Variants in CLASP1 observed in about 807,000 individuals in gnomAD.
CLASP1 encodes CLIP-associating protein 1.
A neutral mutation model predicts 192.3 loss-of-function variants in CLASP1; 38 were observed. The ratio of observed to expected loss-of-function variants is 0.20; its 90% confidence interval spans 0.15 to 0.26. The LOEUF (loss-of-function observed/expected upper bound fraction) is 0.26, where lower values mean the gene tolerates loss of function less well. Ranked by LOEUF, CLASP1 falls within the 10% of genes least tolerant of loss-of-function variation. The pLI, the probability that CLASP1 is intolerant of heterozygous loss-of-function variation, is 1.00. For missense variants in CLASP1, 1,433 were observed against 1,932.5 expected (o/e 0.74, Z 4.85); for synonymous variants, 691 against 712.8 (o/e 0.97, Z 0.49).
At chr2:121,568,306 G>T (rs1024133463) in intron 2 of CLASP1, among the ~76,000 whole-genome samples, 8 of 151,974 alleles carry the variant, frequency 5.3e-5, no homozygotes, top group Non-Finnish European at 1.5e-5. Flanking sequence ...AACCCTGGGG[G>T]CAATTGTAAC....
At chr2:121,400,897 T>A (rs1350314120) in intron 28 of CLASP1, among the ~76,000 whole-genome samples, 1 of 152,222 alleles carries the variant, frequency 6.6e-6, no homozygotes, top group Non-Finnish European at 1.5e-5. Context: ...TTCTGAGATG[T>A]TTCAACTTTC....
intron 6 of CLASP1, among the ~76,000 whole-genome samples, chr2:121,521,066 A>G (rs548305122): frequency 2.0e-5 from 3 of 152,294 alleles, no homozygotes; most frequent in South Asian, 4.1e-4. Context: ...TGGGTATCTG[A>G]TGATAGGAGA....
chr2:121,402,571 C>G (rs1574369559), intron 26 of CLASP1: 1 of 517,542 alleles, frequency 1.9e-6, no homozygotes, highest in African/African-American at 1.9e-5. Context: ...CAAATACTAA[C>G]TAAACTGAGA....
intron 8 of CLASP1, among the ~76,000 whole-genome samples, chr2:121,493,555 A>G (rs1481064437): frequency 6.6e-6 from 1 of 152,182 alleles, no homozygotes; most frequent in Non-Finnish European, 1.5e-5. Context: ...AAAAGAAAAC[A>G]TGGGGGAAAC....
At chr2:121,384,053 CATATATGTATATATACACACACACAT>C (rs1558972417) in intron 32 of CLASP1, among the ~76,000 whole-genome samples, 20 of 135,388 alleles carry the variant, frequency 1.5e-4, no homozygotes, top group Admixed American at 2.9e-4. Context: ...TATATACACA[CATATATGTATATATACACACACACAT>C]ATATATGTAT....
rs528828162 is a variant in CLASP1 at position 121,529,922 on chromosome 2, TA to T, written c.274+324del. Among the ~76,000 whole-genome samples the T allele has an allele frequency of 2.0e-3, 310 of 152,320 alleles. 1 individual carries two copies. The highest frequency in any genetic ancestry group is 7.1e-3 in the African/African-American group (297 of 41,566). The stretch of plus-strand genomic sequence containing the variant: ...AAATAAAAATGGCACTAATATTTCA[TA>T]TTAGAACACGTATTACTAAGTTCCG... On this transcript the variant is annotated intron_variant, in intron 3 of 39. Coordinates refer to ENST00000263710, the Ensembl canonical transcript of CLASP1.
intron 37 of CLASP1, among the ~76,000 whole-genome samples, chr2:121,350,263 C>A (rs2064118357): frequency 2.0e-5 from 3 of 152,230 alleles, no homozygotes; most frequent in Admixed American, 2.0e-4. Flanking sequence ...GTCATCCCAG[C>A]CCTTGTGAGT....
intron 1 of CLASP1, among the ~76,000 whole-genome samples, chr2:121,627,463 C>T (rs931108242): frequency 4.6e-5 from 7 of 152,142 alleles, no homozygotes; most frequent in Non-Finnish European, 8.8e-5. Context: ...TCTATTCCAC[C>T]AAGTATATCA....
intron 8 of CLASP1, among the ~76,000 whole-genome samples, chr2:121,496,148 C>T (rs1285072625): frequency 6.6e-6 from 1 of 152,254 alleles, no homozygotes; most frequent in East Asian, 1.9e-4. Flanking sequence ...ACAACTGTAA[C>T]TACTGTTTGG....
At chr2:121,567,304 C>T (rs2059591678) in intron 2 of CLASP1, among the ~76,000 whole-genome samples, 1 of 152,182 alleles carries the variant, frequency 6.6e-6, no homozygotes, top group African/African-American at 2.4e-5. Context: ...AAGCCCTTGC[C>T]CTCTGGGAGC....
intron 37 of CLASP1, among the ~76,000 whole-genome samples, chr2:121,360,530 A>G (rs1218784386): frequency 6.6e-6 from 1 of 152,138 alleles, no homozygotes; most frequent in Non-Finnish European, 1.5e-5. Context: ...TTCTGCCCTA[A>G]AAAATGGCAA....
intron 37 of CLASP1, among the ~76,000 whole-genome samples, chr2:121,356,904 A>C (rs1224604300): frequency 6.6e-6 from 1 of 152,060 alleles, no homozygotes; most frequent in African/African-American, 2.4e-5. Flanking sequence ...GAAGGAGTGG[A>C]AAGAGGGGCT....
chr2:121,645,988 C>T (rs530580517), intron 1 of CLASP1, among the ~76,000 whole-genome samples: 3 of 152,310 alleles, frequency 2.0e-5, no homozygotes, highest in South Asian at 4.1e-4. Flanking sequence ...GTTGATGATG[C>T]CCCGCTGGCA....
At chr2:121,475,967 C>G (rs1209582328) in intron 8 of CLASP1, among the ~76,000 whole-genome samples, 1 of 152,158 alleles carries the variant, frequency 6.6e-6, no homozygotes, top group African/African-American at 2.4e-5. Context: ...CCTTCTACAG[C>G]ATCAGGATAA....
chr2:121,599,843 C>A (rs1390481228), intron 2 of CLASP1, among the ~76,000 whole-genome samples: 1 of 148,894 alleles, frequency 6.7e-6, no homozygotes, highest in Non-Finnish European at 1.5e-5. Context: ...TCATTTGAAC[C>A]AGGAAGCAAA....
At chr2:121,340,544 G>A (rs2062676837) in exon 40 of CLASP1, 1 of 262,740 alleles carries the variant, frequency 3.8e-6, no homozygotes, top group Non-Finnish European at 7.2e-6. Flanking sequence ...TGGCTAGAGC[G>A]CTCTGATTTT....
intron 8 of CLASP1, among the ~76,000 whole-genome samples, chr2:121,501,543 G>T (rs2093754648): frequency 6.6e-6 from 1 of 152,150 alleles, no homozygotes; most frequent in Non-Finnish European, 1.5e-5. Context: ...TAGCGAAAAT[G>T]ATTTTTGATG....
chr2:121,530,875 A>C (rs116768084), intron 2 of CLASP1: 10 of 689,840 alleles, frequency 1.4e-5, no homozygotes, highest in Non-Finnish European at 2.1e-5. Context: ...GGGACTTTCT[A>C]TTATAACCAT....
At chr2:121,600,645 A>G (rs2105865858) in intron 2 of CLASP1, among the ~76,000 whole-genome samples, 1 of 152,354 alleles carries the variant, frequency 6.6e-6, no homozygotes, top group East Asian at 1.9e-4. Context: ...ATTACTGCAC[A>G]CACTACACTG....
Sources: gnomAD v4.1 joint callset for allele counts (sites outside exome capture counted in the v4.1 genomes callset) on GRCh38, gnomAD v4.1.1 for gene constraint, MANE v1.5 for transcripts, NCBI Gene and HGNC (gene_info 2026-07-23, HGNC 2026-07-21) for gene names.